Variants in UNC13C observed in about 807,000 individuals in gnomAD.
UNC13C encodes the protein unc-13 homolog C, also known as protein unc-13 homolog C.
Under a neutral mutation model 245.4 loss-of-function variants are expected in UNC13C, and 174 were observed. That is an observed-to-expected ratio of 0.71 (90% CI 0.63 to 0.80). UNC13C has a LOEUF of 0.80. UNC13C is among the 30% of genes least tolerant of loss of function. UNC13C has a pLI of 0.00. For synonymous variants in UNC13C, 992 were observed against 895.1 expected (o/e 1.11, Z -1.93); for missense variants, 2,829 against 2,602.9 (o/e 1.09, Z -1.89).
Position 54,609,479 on chromosome 15 carries a change from T to C in UNC13C, c.6107-12848T>C, listed in dbSNP as rs186851705. On this transcript the variant is annotated intron_variant, in intron 30 of 32. Transcript: ENST00000260323. ...CTCCAGACAGGGAAACCACAGGGTT[T>C]TAAATCAATGAACTGAACTTGTCAT... 35 of 152,240 alleles carry C rather than the reference T, an allele frequency of 2.3e-4. No individual in the cohort carries two copies. The East Asian group carries it at 6.6e-3, about 29-fold the overall frequency. 9.4% of individuals were successfully genotyped at this position (152,240 alleles called of 1,614,324 possible).
At chr15:54,608,261 A>G (rs994365895) in intron 30 of UNC13C, among the ~76,000 whole-genome samples, 6 of 152,236 alleles carry the variant, frequency 3.9e-5, no homozygotes, top group African/African-American at 2.4e-5. Flanking sequence ...ATTAACATTT[A>G]TAAGCACCAA....
chr15:54,214,893 C>G (rs1001364138), intron 4 of UNC13C, among the ~76,000 whole-genome samples: 2 of 151,826 alleles, frequency 1.3e-5, no homozygotes, highest in Admixed American at 6.6e-5. Flanking sequence ...TGTTTAAAAG[C>G]TAACACCCTA....
intron 16 of UNC13C, among the ~76,000 whole-genome samples, chr15:54,337,935 T>C (rs937207478): frequency 6.6e-6 from 1 of 152,212 alleles, no homozygotes; most frequent in African/African-American, 2.4e-5. Flanking sequence ...CCTTCCTCTG[T>C]TTTACTTTTC....
chr15:54,321,446 C>T, intron 13 of UNC13C: 1 of 493,658 alleles, frequency 2.0e-6, no homozygotes, highest in Non-Finnish European at 4.0e-6. Context: ...TTGCATCTGC[C>T]TTTGCGGCCT....
chr15:53,988,418 T>C (rs1355879336), intron 1 of UNC13C, among the ~76,000 whole-genome samples: 1 of 151,854 alleles, frequency 6.6e-6, no homozygotes, highest in South Asian at 2.1e-4. Context: ...AAAATTGTTG[T>C]GAGTAGAGAG....
At chr15:54,278,581 C>G (rs145642119) in intron 10 of UNC13C, among the ~76,000 whole-genome samples, 2 of 152,164 alleles carry the variant, frequency 1.3e-5, no homozygotes, top group Admixed American at 1.3e-4. Flanking sequence ...GTTCTTCTCT[C>G]CATCTCCCCG....
chr15:54,091,698 A>T (rs1899582268), intron 2 of UNC13C, among the ~76,000 whole-genome samples: 2 of 152,046 alleles, frequency 1.3e-5, no homozygotes, highest in Admixed American at 1.3e-4. Context: ...CAATGTCTGA[A>T]TATTTATTTT....
intron 32 of UNC13C, among the ~76,000 whole-genome samples, chr15:54,624,533 A>C (rs1359641931): frequency 6.6e-6 from 1 of 151,856 alleles, no homozygotes; most frequent in Non-Finnish European, 1.5e-5. Flanking sequence ...GGGCTTTTCA[A>C]TTCTAAGTTC....
chr15:54,441,121 C>T (rs1215842466), intron 19 of UNC13C, among the ~76,000 whole-genome samples: 1 of 152,002 alleles, frequency 6.6e-6, no homozygotes, highest in African/African-American at 2.4e-5. Context: ...TCTCTTTACT[C>T]TGTTGGTTAT....
intron 4 of UNC13C, among the ~76,000 whole-genome samples, chr15:54,211,291 G>A (rs1344255126): frequency 2.0e-5 from 3 of 151,978 alleles, no homozygotes; most frequent in Non-Finnish European, 2.9e-5. Context: ...TGATGCTAAG[G>A]GTCCATGGCA....
chr15:53,926,404 CA>C, the UNC13C span, among the ~76,000 whole-genome samples: 2 of 151,500 alleles, frequency 1.3e-5, no homozygotes, highest in Non-Finnish European at 2.9e-5. Flanking sequence ...TTCTGTGGAT[CA>C]AAAAAGGGAT....
intron 17 of UNC13C, among the ~76,000 whole-genome samples, chr15:54,349,518 A>G (rs2038933581): frequency 6.6e-6 from 1 of 152,230 alleles, no homozygotes; most frequent in Non-Finnish European, 1.5e-5. Context: ...CACGTTGTTA[A>G]TAAACATTGA....
chr15:54,432,152 T>C (rs1312806198), intron 19 of UNC13C, among the ~76,000 whole-genome samples: 2 of 151,654 alleles, frequency 1.3e-5, no homozygotes, highest in Non-Finnish European at 3.0e-5. Flanking sequence ...GGCACTGTGC[T>C]AAGTACTTGG....
intron 4 of UNC13C, among the ~76,000 whole-genome samples, chr15:54,192,732 T>A (rs1013520702): frequency 6.6e-6 from 1 of 152,186 alleles, no homozygotes; most frequent in Non-Finnish European, 1.5e-5. Context: ...ACTTGAGATC[T>A]GTAGCTGTAG....
At chr15:53,901,129 AAT>A in the UNC13C span, among the ~76,000 whole-genome samples, 1 of 151,880 alleles carries the variant, frequency 6.6e-6, no homozygotes, top group Non-Finnish European at 1.5e-5. Context: ...CGATTAACAT[AAT>A]AGTCATGGGT....
chr15:54,252,796 A>G (rs1181988277), intron 8 of UNC13C, among the ~76,000 whole-genome samples: 1 of 152,214 alleles, frequency 6.6e-6, no homozygotes, highest in African/African-American at 2.4e-5. Context: ...AGACAGTTCT[A>G]TGATTTTCTT....
At chr15:53,989,831 C>T (rs1033278754) in intron 1 of UNC13C, among the ~76,000 whole-genome samples, 3 of 151,962 alleles carry the variant, frequency 2.0e-5, no homozygotes, top group African/African-American at 7.2e-5. Flanking sequence ...TAAAAGGGGG[C>T]TAATCCTAAG....
chr15:53,891,390 C>T, the UNC13C span, among the ~76,000 whole-genome samples: 9 of 152,040 alleles, frequency 5.9e-5, no homozygotes, highest in Non-Finnish European at 8.8e-5. Flanking sequence ...CACTTGTTCC[C>T]GAGCTGAGTT....
At chr15:54,500,311 A>G in intron 21 of UNC13C, 136 bp downstream of exon 21, 1 of 698,674 alleles carries the variant, frequency 1.4e-6, no homozygotes, top group Non-Finnish European at 2.4e-6. Flanking sequence ...TTTAAAACAC[A>G]ATTTCAGTGG....
Sources: allele counts gnomAD v4.1 joint callset (sites outside exome capture counted in the v4.1 genomes callset), GRCh38; gene constraint gnomAD v4.1.1; transcripts MANE v1.5; gene names NCBI Gene and HGNC (gene_info 2026-07-23, HGNC 2026-07-21).